SCN11A: variants seen among roughly 807,000 people sequenced by gnomAD.
The protein encoded by SCN11A is sodium channel protein type 11 subunit alpha.
In SCN11A, 122 loss-of-function variants were observed where a neutral mutation model predicts 162.2. That is an observed-to-expected ratio of 0.75 (90% CI 0.65 to 0.87). The LOEUF (loss-of-function observed/expected upper bound fraction) is 0.87, where lower values mean the gene tolerates loss of function less well. Ranked by LOEUF, SCN11A falls within the 40% of genes least tolerant of loss-of-function variation. The probability of loss-of-function intolerance (pLI) is 0.00; values close to 1 mark genes in which losing one functional copy is unlikely to be tolerated. For synonymous variants in SCN11A, 758 were observed against 751.5 expected, an observed-to-expected ratio of 1.01 and a Z score of -0.14; for missense variants, 2,015 against 2,181.6, an observed-to-expected ratio of 0.92 and a Z score of 1.52.
Position 38,906,828 on chromosome 3 carries a change from C to T in SCN11A, c.1473+1121G>A, listed in dbSNP as rs146194897. Among the ~76,000 whole-genome samples the T allele has an allele frequency of 2.0e-3, 302 of 152,228 alleles. 1 individual carries two copies. The highest frequency in any genetic ancestry group is 6.9e-3 in the African/African-American group (286 of 41,534). ...TCATTGAAAAGGGTAAACTCTCTAG[C>T]TTTGTTTTCGAGGTCTTTTGTGATC... On this transcript the variant is annotated intron_variant, in intron 14 of 29. Transcript: ENST00000302328.
At chr3:38,915,946 G>A (rs1182758565) in intron 11 of SCN11A, among the ~76,000 whole-genome samples, 5 of 152,124 alleles carry the variant, frequency 3.3e-5, no homozygotes, top group Non-Finnish European at 5.9e-5. Context: ...AAGTCTCTTT[G>A]TAGGTCTCTA....
At chr3:39,002,523 C>G (rs1041148682) in intron 2 of SCN11A, among the ~76,000 whole-genome samples, 1 of 152,196 alleles carries the variant, frequency 6.6e-6, no homozygotes, top group Non-Finnish European at 1.5e-5. Flanking sequence ...ACTGAAGGTT[C>G]AAAACCATTT....
intron 19 of SCN11A, among the ~76,000 whole-genome samples, chr3:38,891,744 C>A (rs1169364793): frequency 6.6e-6 from 1 of 152,114 alleles, no homozygotes; most frequent in East Asian, 1.9e-4. Flanking sequence ...TATTAGGAAC[C>A]CACTTCCACA....
rs1372929072 is a variant in SCN11A, at chr3:39,032,463, A to G, written c.-363T>C. On this transcript the variant is annotated 5_prime_UTR_variant, in exon 2 of 30. Transcript: ENST00000302328. Reference sequence around the variant, plus strand: ...TACTTTCACTGTGTTCAGCAAATGGATTGAACATGGAGCCAAAAACATGCG... The same window carrying G: ...TACTTTCACTGTGTTCAGCAAATGGGTTGAACATGGAGCCAAAAACATGCG... Among the ~76,000 whole-genome samples, 2 of 152,212 alleles carry G rather than the reference A, an allele frequency of 1.3e-5. No homozygotes were observed. The highest frequency in any genetic ancestry group is 4.8e-5 in the African/African-American group (2 of 41,448).
At chr3:38,973,138 T>C (rs1202915454) in intron 2 of SCN11A, among the ~76,000 whole-genome samples, 1 of 152,234 alleles carries the variant, frequency 6.6e-6, no homozygotes, top group Non-Finnish European at 1.5e-5. Context: ...TTATAAGATG[T>C]AGCATAGGTG....
chr3:38,903,876 T>C lies in SCN11A; in HGVS notation c.1831A>G (p.Ile611Val). ...AAGTGTAATGTTACCAAATTCCCTA[T>C]ATTCAACATCTTCTCAAAACTGGCC... ...MEASFEKMLN[I>V]GNLVFTSIFI... is the part of the protein sequence containing the mutation. Residue 611 changes from isoleucine to valine, a missense_variant, in exon 16 of 30, where the codon ATA becomes GTA. By Grantham distance (29) the Ile-to-Val change is conservative. Coordinates refer to ENST00000302328, the MANE Select transcript of SCN11A (RefSeq NM_001349253.2). 6.3e-7 allele frequency: 1 copy of C among 1,595,654 alleles called. No individual in the cohort carries two copies. Among genetic ancestry groups the C allele is most frequent in the Non-Finnish European group, 8.5e-7 (1 of 1,171,286 alleles).
chr3:39,006,892 TA>T (rs1229848944), intron 2 of SCN11A, among the ~76,000 whole-genome samples: 1 of 151,380 alleles, frequency 6.6e-6, no homozygotes, highest in Non-Finnish European at 1.5e-5. Flanking sequence ...TTTAATTCAA[TA>T]GAAGAATTGA....
chr3:38,880,138 C>G lies in SCN11A; in HGVS notation c.3220-15G>C. On this transcript the variant is annotated splice_polypyrimidine_tract_variant and intron_variant, in intron 22 of 29. Coordinates refer to ENST00000302328, the MANE Select transcript of SCN11A (RefSeq NM_001349253.2). Reference sequence around the variant, plus strand: ...TCTTCAAATATCTGAAATGAAAAAGCATAGCCATAGGCCAGGTTGAATATT... The same window carrying G: ...TCTTCAAATATCTGAAATGAAAAAGGATAGCCATAGGCCAGGTTGAATATT... 6.3e-7 allele frequency: 1 copy of G among 1,596,670 alleles called. No individual in the cohort carries two copies.
chr3:38,908,480 C>T (rs541695398), intron 13 of SCN11A, among the ~76,000 whole-genome samples: 48 of 152,112 alleles, frequency 3.2e-4, no homozygotes, highest in African/African-American at 1.1e-3. Context: ...AGGATCAGTG[C>T]GAGTATAAAA....
At chr3:38,960,496 C>T (rs1013284693) in intron 2 of SCN11A, among the ~76,000 whole-genome samples, 73 bp from the exon 3 acceptor site, 15 of 152,234 alleles carry the variant, frequency 9.9e-5, no homozygotes, top group Non-Finnish European at 1.6e-4. Context: ...GTAGGAAACC[C>T]TGTAACCGGA....
At chr3:39,028,286 G>A (rs55891621) in intron 2 of SCN11A, among the ~76,000 whole-genome samples, 23,120 of 152,120 alleles carry the variant, frequency 0.15, 3,503 homozygotes, top group African/African-American at 0.39. Context: ...TCCCCTTGGC[G>A]GAGAAGGGAT....
At chr3:38,865,986 GAAGGTATTTTGACAATATGTCTTCA>G (rs2065034129) in intron 27 of SCN11A, among the ~76,000 whole-genome samples, 1 of 152,130 alleles carries the variant, frequency 6.6e-6, no homozygotes, top group South Asian at 2.1e-4. Flanking sequence ...AGCATTTCTG[GAAGGTATTTTGACAATATGTCTTCA>G]ATGCTTTTAA....
intron 2 of SCN11A, among the ~76,000 whole-genome samples, chr3:39,030,064 G>A (rs2031708236): frequency 6.6e-6 from 1 of 152,150 alleles, no homozygotes; most frequent in Non-Finnish European, 1.5e-5. Context: ...TTATATTCCT[G>A]GGCATAAGGC....
At chr3:38,895,717 T>A (rs1481677869) in intron 18 of SCN11A, among the ~76,000 whole-genome samples, 15 of 152,162 alleles carry the variant, frequency 9.9e-5, no homozygotes, top group Admixed American at 9.8e-4. Context: ...AATTCCCACC[T>A]CTGGATCTTT....
chr3:38,963,236 A>T, intron 2 of SCN11A, among the ~76,000 whole-genome samples: 1 of 150,506 alleles, frequency 6.6e-6, no homozygotes, highest in East Asian at 1.9e-4. Flanking sequence ...TATTAAAAAA[A>T]AAAATAATCT....
At chr3:38,913,494 G>C (rs2065914851) in intron 11 of SCN11A, among the ~76,000 whole-genome samples, 1 of 152,216 alleles carries the variant, frequency 6.6e-6, no homozygotes, top group South Asian at 2.1e-4. Context: ...AAGCTCTTAA[G>C]TTTAGTTAGA....
intron 13 of SCN11A, 106 bp from the exon 14 acceptor site, chr3:38,908,228 G>T: frequency 1.1e-6 from 1 of 944,302 alleles, no homozygotes; most frequent in Non-Finnish European, 1.6e-6. Context: ...TGGTAGCTCT[G>T]TATCATTTAA....
chr3:39,036,166 C>G (rs560961771), intron 1 of SCN11A, among the ~76,000 whole-genome samples: 1 of 151,480 alleles, frequency 6.6e-6, no homozygotes, highest in South Asian at 2.1e-4. Flanking sequence ...TTTTTAGAGA[C>G]AGAGTCTCAC....
chr3:38,998,946 T>C (rs1347027955), intron 2 of SCN11A, among the ~76,000 whole-genome samples: 1 of 149,610 alleles, frequency 6.7e-6, no homozygotes, highest in Non-Finnish European at 1.5e-5. Context: ...TTAGGAGATA[T>C]ACCTAATGTT....
Sources: gnomAD v4.1 joint callset for allele counts (sites outside exome capture counted in the v4.1 genomes callset) on GRCh38, gnomAD v4.1.1 for gene constraint, MANE v1.5 for transcripts, NCBI Gene and HGNC (gene_info 2026-07-23, HGNC 2026-07-21) for gene names.